The following TARS3 variants were observed in gnomAD, a reference collection of about 807,000 sequenced individuals.
TARS3 encodes the protein threonyl-tRNA synthetase 3.
A neutral mutation model predicts 103.5 loss-of-function variants in TARS3; 94 were observed. That is an observed-to-expected ratio of 0.91 (90% CI 0.77 to 1.08). The LOEUF (loss-of-function observed/expected upper bound fraction) is 1.08, where lower values mean the gene tolerates loss of function less well. TARS3 is among the 50% of genes least tolerant of loss of function. The pLI, the probability that TARS3 is intolerant of heterozygous loss-of-function variation, is 0.00. For synonymous variants in TARS3, 416 were observed against 355.4 expected (o/e 1.17, Z -1.92); for missense variants, 952 against 995.2 (o/e 0.96, Z 0.58).
chr15:101,714,468 G>C (rs898415606), intron 4 of TARS3, among the ~76,000 whole-genome samples: 2 of 151,748 alleles, frequency 1.3e-5, no homozygotes, highest in Non-Finnish European at 2.9e-5. Flanking sequence ...ATCTGAGTGT[G>C]GTGGTGTGCA....
chr15:101,673,580 TA>T (rs1897903592), intron 13 of TARS3, among the ~76,000 whole-genome samples: 1 of 152,236 alleles, frequency 6.6e-6, no homozygotes, highest in Non-Finnish European at 1.5e-5. Flanking sequence ...CTCATGGAGA[TA>T]AAGTACTTTC....
Position 101,695,281 on chromosome 15 carries a change from C to G in TARS3, c.1320+5805G>C, listed in dbSNP as rs553839606. Among the ~76,000 whole-genome samples, 63 of 152,300 alleles carry G rather than the reference C, an allele frequency of 4.1e-4. 1 individual carries two copies. In the South Asian group the frequency reaches 0.012, roughly 29 times the overall value. ...CCCTGGAGTCAATCCCCTCTCCCCA[C>G]CCACTGGACTCCTGATCATCTTTCT... On this transcript the variant is annotated intron_variant, in intron 10 of 18. Coordinates refer to ENST00000335968, the MANE Select transcript of TARS3 (RefSeq NM_152334.3).
intron 3 of TARS3, 52 bp downstream of exon 3, chr15:101,721,074 G>T (rs76372629): frequency 6.8e-7 from 1 of 1,467,526 alleles, no homozygotes; most frequent in South Asian, 1.3e-5. Flanking sequence ...ATTTTCACCA[G>T]GCTTCAGTAT....
At chr15:101,699,356 G>A (rs994696537) in intron 10 of TARS3, 2 of 455,466 alleles carry the variant, frequency 4.4e-6, no homozygotes, top group Non-Finnish European at 8.8e-6. Context: ...CACTGGGTTT[G>A]TGCATTTAAG....
At chr15:101,657,145 A>G (rs1897222281) in intron 17 of TARS3, 109 bp from the exon 18 acceptor site, 2 of 676,142 alleles carry the variant, frequency 3.0e-6, no homozygotes, top group Admixed American at 5.5e-5. Context: ...TTCCCTGCTC[A>G]CTATACCAGA....
chr15:101,714,775 T>G, intron 4 of TARS3, 65 bp downstream of exon 4: 1 of 1,485,674 alleles, frequency 6.7e-7, no homozygotes, highest in Non-Finnish European at 9.1e-7. Flanking sequence ...ATATGTGGCC[T>G]CTTATATAAT....
intron 15 of TARS3, among the ~76,000 whole-genome samples, chr15:101,667,690 C>G (rs932111567): frequency 6.6e-6 from 1 of 152,148 alleles, no homozygotes; most frequent in Non-Finnish European, 1.5e-5. Flanking sequence ...CCTGCCTCAG[C>G]CTCCCAAGTA....
chr15:101,683,734 T>C (rs1038056055), intron 12 of TARS3, among the ~76,000 whole-genome samples: 1 of 152,234 alleles, frequency 6.6e-6, no homozygotes, highest in Non-Finnish European at 1.5e-5. Context: ...AGTGAAACTT[T>C]GCATGGCAAT....
chr15:101,680,107 G>T (rs1328661317), intron 12 of TARS3, among the ~76,000 whole-genome samples: 1 of 152,136 alleles, frequency 6.6e-6, no homozygotes, highest in Admixed American at 6.5e-5. Context: ...GAGGGGGATG[G>T]GATCTTGTTA....
Position 101,703,934 on chromosome 15 carries a change from G to A in TARS3, c.999C>T (p.Cys333=), listed in dbSNP as rs370230142. ...CTTTGCAAAGGTCAATTAATGGACC[G>A]CACCTATAATGAAATATTTAGGACA... The part of the protein sequence containing the change: ...VNTATTTVYR[C]GPLIDLCKGP... Residue 333 remains cysteine, a synonymous_variant, in exon 8 of 19, where the codon TGC becomes TGT. Coordinates refer to ENST00000335968, the MANE Select transcript of TARS3 (RefSeq NM_152334.3). 3.2e-4 allele frequency: 507 copies of A among 1,608,994 alleles called. 4 individuals carry two copies. In the South Asian group the frequency reaches 4.7e-3, roughly 15 times the overall value.
At chr15:101,719,440 C>T (rs1235631727) in intron 3 of TARS3, among the ~76,000 whole-genome samples, 1 of 152,182 alleles carries the variant, frequency 6.6e-6, no homozygotes, top group African/African-American at 2.4e-5. Context: ...AGAGTACCCA[C>T]AGATATCTGG....
intron 10 of TARS3, among the ~76,000 whole-genome samples, chr15:101,687,750 G>A (rs2141410522): frequency 1.3e-5 from 2 of 152,260 alleles, no homozygotes; most frequent in Middle Eastern, 6.8e-3. Flanking sequence ...CCAAGGTGAT[G>A]GTATTAGGAA....
At chr15:101,705,557 A>G in intron 7 of TARS3, 126 bp downstream of exon 7, 2 of 738,214 alleles carry the variant, frequency 2.7e-6, no homozygotes, top group Non-Finnish European at 4.6e-6. Context: ...TGAAGATTGT[A>G]ACTACGGTAG....
At chr15:101,713,566 G>C (rs985093007) in intron 4 of TARS3, among the ~76,000 whole-genome samples, 1 of 82,674 alleles carries the variant, frequency 1.2e-5, no homozygotes, top group Non-Finnish European at 2.8e-5. Context: ...TTTTTAGGAA[G>C]TAAAATCTAC....
chr15:101,699,804 C>T (rs1158149662), intron 10 of TARS3, among the ~76,000 whole-genome samples: 1 of 152,086 alleles, frequency 6.6e-6, no homozygotes, highest in Admixed American at 6.6e-5. Flanking sequence ...AGAGAATAAC[C>T]AGTGCAGGCC....
chr15:101,666,475 A>C (rs1052105113), intron 15 of TARS3, among the ~76,000 whole-genome samples: 18 of 112,522 alleles, frequency 1.6e-4, no homozygotes, highest in African/African-American at 6.6e-4. Context: ...GACTCATCTC[A>C]AAAAAAAAAA....
At chr15:101,715,003 T>C in intron 3 of TARS3, 40 bp from the exon 4 acceptor site, 1 of 1,564,366 alleles carries the variant, frequency 6.4e-7, no homozygotes, top group Non-Finnish European at 8.6e-7. Flanking sequence ...ACTTTATCAC[T>C]GTTACAATGA....
At chr15:101,686,837 T>C (rs1028317621) in intron 10 of TARS3, among the ~76,000 whole-genome samples, 4 of 151,440 alleles carry the variant, frequency 2.6e-5, no homozygotes, top group Non-Finnish European at 5.9e-5. Flanking sequence ...ATTCTGAGAA[T>C]CCTTAGATTC....
chr15:101,655,230 C>T (rs1423150341), intron 18 of TARS3, among the ~76,000 whole-genome samples: 4 of 139,244 alleles, frequency 2.9e-5, no homozygotes, highest in Non-Finnish European at 3.1e-5. Context: ...ACTGACCCCA[C>T]CTGGCACTAG....
Sources: gnomAD v4.1 joint callset for allele counts (sites outside exome capture counted in the v4.1 genomes callset) on GRCh38, gnomAD v4.1.1 for gene constraint, MANE v1.5 for transcripts, NCBI Gene and HGNC (gene_info 2026-07-23, HGNC 2026-07-21) for gene names.